Variants in WWOX observed in about 807,000 individuals in gnomAD.
The protein encoded by WWOX is WW domain containing oxidoreductase, also known as WW domain-containing oxidoreductase.
In WWOX, 69 loss-of-function variants were observed where a neutral mutation model predicts 46.2. That is an observed-to-expected ratio of 1.49 (90% confidence interval 1.23 to 1.82). The LOEUF (loss-of-function observed/expected upper bound fraction) is 1.82. WWOX is among the 40% of genes most tolerant of loss of function. WWOX has a pLI of 0.00. For synonymous variants in WWOX, 359 were observed against 202.6 expected (o/e 1.77, Z -6.56); for missense variants, 919 against 542.6 (o/e 1.69, Z -6.89).
rs200918878 is a variant in WWOX, at chr16:78,816,229, A to T, written c.1056+383477A>T. Among the ~76,000 whole-genome samples, 19 of 152,296 alleles carry T rather than the reference A, an allele frequency of 1.2e-4. No individual in the cohort carries two copies. The East Asian group carries it at 3.5e-3, about 28-fold the overall frequency. On this transcript the variant is annotated intron_variant, in intron 8 of 8. Coordinates refer to ENST00000566780, the MANE Select transcript of WWOX (RefSeq NM_016373.4). ...TGTAAAATTTGGGACGCTGGATAGG[A>T]CCAGGAAGCCAGAGAAAGAGGGCAC...
chr16:78,637,967 G>A (rs2046614458), intron 8 of WWOX, among the ~76,000 whole-genome samples: 1 of 152,120 alleles, frequency 6.6e-6, no homozygotes, highest in Non-Finnish European at 1.5e-5. Context: ...CTACCAGGTA[G>A]ACCCAGAATC....
At chr16:78,133,998 T>A (rs552617033) in intron 4 of WWOX, among the ~76,000 whole-genome samples, 29 of 152,354 alleles carry the variant, frequency 1.9e-4, no homozygotes, top group African/African-American at 6.7e-4. Context: ...CCCTAAGATG[T>A]GTTTTCTTCA....
At chr16:78,577,893 A>G (rs769169421) in intron 8 of WWOX, among the ~76,000 whole-genome samples, 2 of 152,100 alleles carry the variant, frequency 1.3e-5, no homozygotes, top group Non-Finnish European at 1.5e-5. Context: ...TTGACAGAAT[A>G]TATTCAAGGG....
At chr16:78,720,166 G>A (rs2048656702) in intron 8 of WWOX, among the ~76,000 whole-genome samples, 1 of 152,150 alleles carries the variant, frequency 6.6e-6, no homozygotes, top group African/African-American at 2.4e-5. Flanking sequence ...TAAATGGTGA[G>A]TGTTTGAAAA....
intron 8 of WWOX, among the ~76,000 whole-genome samples, chr16:79,082,426 C>G (rs748413489): frequency 4.1e-4 from 62 of 152,224 alleles, no homozygotes; most frequent in African/African-American, 1.4e-3. Context: ...ATGAGGTCAC[C>G]TTCCCATGGC....
At chr16:78,606,097 A>C (rs1206705642) in intron 8 of WWOX, among the ~76,000 whole-genome samples, 2 of 152,322 alleles carry the variant, frequency 1.3e-5, no homozygotes, top group South Asian at 4.1e-4. Flanking sequence ...TTTACGCTTA[A>C]CATTTATGGC....
chr16:78,245,145 A>G (rs1186845985), intron 5 of WWOX, among the ~76,000 whole-genome samples: 4 of 152,234 alleles, frequency 2.6e-5, no homozygotes, highest in African/African-American at 7.2e-5. Context: ...ATTATCCCAT[A>G]TGGATAATAG....
At position 78,461,687 on chromosome 16, in the gene WWOX, C is replaced by T. The variant is rs566514518; in HGVS notation, c.1056+28935C>T. Among the ~76,000 whole-genome samples, 13 of 152,274 alleles carry T rather than the reference C, an allele frequency of 8.5e-5. No individual in the cohort carries two copies. The South Asian group carries it at 2.7e-3, about 32-fold the overall frequency. ...ACGCCTGAATACCTTCAATGTGCCC[C>T]ATGTAAAAATACACTGCAAGTCGAT... is the stretch of plus-strand genomic sequence containing the variant. On this transcript the variant is annotated intron_variant, in intron 8 of 8. Transcript: ENST00000566780.
intron 8 of WWOX, among the ~76,000 whole-genome samples, chr16:79,100,191 C>T (rs992207758): frequency 6.6e-6 from 1 of 151,968 alleles, no homozygotes; most frequent in South Asian, 2.1e-4. Flanking sequence ...TATAGCCTAG[C>T]CAGGGTGGCA....
At chr16:78,653,530 A>G (rs771373473) in intron 8 of WWOX, among the ~76,000 whole-genome samples, 2 of 152,176 alleles carry the variant, frequency 1.3e-5, no homozygotes, top group Non-Finnish European at 2.9e-5. Context: ...AAGGTTTCCT[A>G]CTCCTAAAAG....
chr16:78,728,437 C>T (rs920541796), intron 8 of WWOX, among the ~76,000 whole-genome samples: 8 of 152,184 alleles, frequency 5.3e-5, no homozygotes, highest in Non-Finnish European at 8.8e-5. Context: ...CGTTGTGCTA[C>T]ATTTCTTCTC....
chr16:78,446,920 C>T (rs1055087407), intron 8 of WWOX, among the ~76,000 whole-genome samples: 2 of 152,076 alleles, frequency 1.3e-5, no homozygotes, highest in African/African-American at 4.8e-5. Flanking sequence ...CTTGGCCTCC[C>T]AAAGTGCTGG....
At chr16:78,784,703 C>T (rs777380262) in intron 8 of WWOX, among the ~76,000 whole-genome samples, 1 of 152,136 alleles carries the variant, frequency 6.6e-6, no homozygotes, top group Non-Finnish European at 1.5e-5. Context: ...GTTTTAGCTG[C>T]CCCCAGTCAG....
At chr16:78,792,664 C>T (rs757777313) in intron 8 of WWOX, among the ~76,000 whole-genome samples, 2 of 152,226 alleles carry the variant, frequency 1.3e-5, no homozygotes, top group South Asian at 4.1e-4. Context: ...GGAAGGATAC[C>T]TTTGGGGCAG....
intron 8 of WWOX, among the ~76,000 whole-genome samples, chr16:79,075,110 A>G (rs1447140990): frequency 1.3e-5 from 2 of 152,222 alleles, no homozygotes; most frequent in East Asian, 3.9e-4. Context: ...ACTGTTTCTC[A>G]AAATATAATT....
chr16:78,306,849 C>A (rs958707583), intron 5 of WWOX, among the ~76,000 whole-genome samples: 5 of 152,102 alleles, frequency 3.3e-5, no homozygotes, highest in African/African-American at 1.2e-4. Flanking sequence ...TCCCACAATC[C>A]CCACTGAGCC....
chr16:78,836,631 C>T (rs1161626615), intron 8 of WWOX, among the ~76,000 whole-genome samples: 1 of 152,174 alleles, frequency 6.6e-6, no homozygotes, highest in Admixed American at 6.5e-5. Context: ...ATTCTTGCTA[C>T]CATCCTTGAG....
intron 5 of WWOX, among the ~76,000 whole-genome samples, chr16:78,306,523 A>T (rs1007129005): frequency 2.0e-5 from 3 of 152,124 alleles, no homozygotes; most frequent in African/African-American, 7.2e-5. Context: ...CACTCTATTT[A>T]TAATGTTGTT....
intron 8 of WWOX, among the ~76,000 whole-genome samples, chr16:79,003,348 T>C (rs2047130622): frequency 6.6e-6 from 1 of 152,234 alleles, no homozygotes; most frequent in African/African-American, 2.4e-5. Flanking sequence ...GAGATCCTGC[T>C]GTATACCGGG....
Sources: gnomAD v4.1 joint callset for allele counts (sites outside exome capture counted in the v4.1 genomes callset) on GRCh38, gnomAD v4.1.1 for gene constraint, MANE v1.5 for transcripts, NCBI Gene and HGNC (gene_info 2026-07-23, HGNC 2026-07-21) for gene names.